Variants in FSTL4 observed in about 807,000 individuals in gnomAD.
The protein encoded by FSTL4 is follistatin-related protein 4.
FSTL4 carries 28 observed loss-of-function variants against 78.2 expected under a neutral mutation model. The observed-to-expected ratio is 0.36, with a 90% CI of 0.27 to 0.49. The LOEUF is 0.49. FSTL4 is among the 20% of genes least tolerant of loss of function. The probability of loss-of-function intolerance (pLI) is 0.98; values close to 1 mark genes in which losing one functional copy is unlikely to be tolerated. For missense variants in FSTL4, 922 were observed against 1,084.9 expected (o/e 0.85, Z 2.11); for synonymous variants, 422 against 440.5 (o/e 0.96, Z 0.53).
chr5:133,291,430 G>A (rs1753260696), intron 6 of FSTL4, among the ~76,000 whole-genome samples: 1 of 152,198 alleles, frequency 6.6e-6, no homozygotes, highest in South Asian at 2.1e-4. Context: ...ACATTCATTT[G>A]TTTACATTTT....
intron 11 of FSTL4, among the ~76,000 whole-genome samples, chr5:133,221,913 T>G (rs865963050): frequency 0.054 from 5,240 of 97,624 alleles, 251 homozygotes; most frequent in Middle Eastern, 0.11. Context: ...TTTTTTTTTT[T>G]TTTTTTTTTT....
At chr5:133,306,930 C>T (rs950868718) in intron 6 of FSTL4, among the ~76,000 whole-genome samples, 3 of 152,196 alleles carry the variant, frequency 2.0e-5, no homozygotes, top group Non-Finnish European at 4.4e-5. Flanking sequence ...ACCCTCACCG[C>T]CGCCATCATT....
intron 2 of FSTL4, among the ~76,000 whole-genome samples, chr5:133,594,307 C>T (rs925887350): frequency 1.3e-5 from 2 of 152,230 alleles, no homozygotes; most frequent in African/African-American, 2.4e-5. Flanking sequence ...TCTCCTGCCT[C>T]AGCCTCCCAA....
intron 3 of FSTL4, among the ~76,000 whole-genome samples, chr5:133,561,321 C>G (rs1021583860): frequency 6.6e-6 from 1 of 151,998 alleles, no homozygotes; most frequent in Admixed American, 6.6e-5. Flanking sequence ...TGTGCCAAGG[C>G]GTCTGCACAC....
chr5:133,232,214 T>C (rs905522161), intron 8 of FSTL4, among the ~76,000 whole-genome samples: 2 of 152,212 alleles, frequency 1.3e-5, no homozygotes, highest in East Asian at 3.8e-4. Context: ...GGGCAAGTTA[T>C]ACTAATAATT....
At chr5:133,831,157 T>C in the FSTL4 span, among the ~76,000 whole-genome samples, 5 of 152,160 alleles carry the variant, frequency 3.3e-5, no homozygotes, top group Non-Finnish European at 7.3e-5. Context: ...GTACATGGAT[T>C]TAAGCCCCAG....
At chr5:133,514,189 A>ATAC (rs1411718768) in intron 3 of FSTL4, among the ~76,000 whole-genome samples, 3 of 122,324 alleles carry the variant, frequency 2.5e-5, no homozygotes, top group African/African-American at 4.2e-5. Flanking sequence ...AATGATAATA[A>ATAC]TAATAATAAT....
chr5:133,640,760 C>T, the FSTL4 span, among the ~76,000 whole-genome samples: 4 of 152,110 alleles, frequency 2.6e-5, no homozygotes, highest in African/African-American at 9.7e-5. Context: ...GTATGTACAG[C>T]CAATATGTCA....
At chr5:133,527,585 C>T (rs1026643372) in intron 3 of FSTL4, among the ~76,000 whole-genome samples, 2 of 152,236 alleles carry the variant, frequency 1.3e-5, no homozygotes, top group Non-Finnish European at 2.9e-5. Flanking sequence ...AGCATCATCC[C>T]TGGAAATGCA....
At chr5:133,799,396 G>A in the FSTL4 span, among the ~76,000 whole-genome samples, 1 of 138,226 alleles carries the variant, frequency 7.2e-6, no homozygotes. Flanking sequence ...AGCATCCCAC[G>A]GTGCTCAGAG....
intron 6 of FSTL4, among the ~76,000 whole-genome samples, chr5:133,294,547 A>G (rs775713465): frequency 2.6e-5 from 4 of 152,190 alleles, no homozygotes; most frequent in Non-Finnish European, 5.9e-5. Flanking sequence ...TATGGCTAAC[A>G]GCAGTCTCCC....
At position 133,593,268 on chromosome 5, in the gene FSTL4, C is replaced by T. The variant is rs115517688; in HGVS notation, c.126+10590G>A. ...CACTAATAATGAGCACCCACATCCTCTACACTGCCAGCCCAAGTCCTCTGA... is the reference window on the plus strand; with the variant it reads ...CACTAATAATGAGCACCCACATCCTTTACACTGCCAGCCCAAGTCCTCTGA... On this transcript the variant is annotated intron_variant, in intron 2 of 15. Transcript: ENST00000265342. Among the ~76,000 whole-genome samples, 520 of 152,278 alleles carry T rather than the reference C, an allele frequency of 3.4e-3. 1 individual carries two copies. The highest frequency in any genetic ancestry group is 5.4e-3 in the Non-Finnish European group (370 of 68,018).
the FSTL4 span, among the ~76,000 whole-genome samples, chr5:133,710,097 G>A: frequency 2.0e-5 from 3 of 152,206 alleles, no homozygotes; most frequent in Non-Finnish European, 4.4e-5. Context: ...CCATGAGGCA[G>A]GGGTCAGCCC....
intron 4 of FSTL4, among the ~76,000 whole-genome samples, chr5:133,364,127 G>A (rs947545462): frequency 1.2e-4 from 19 of 152,198 alleles, no homozygotes; most frequent in Non-Finnish European, 1.8e-4. Flanking sequence ...ATCAGCAGGC[G>A]ATTGACAACT....
At chr5:133,369,406 C>G (rs1006836978) in intron 4 of FSTL4, among the ~76,000 whole-genome samples, 2 of 152,164 alleles carry the variant, frequency 1.3e-5, no homozygotes, top group Non-Finnish European at 2.9e-5. Context: ...AGAGCCACAC[C>G]GAGACATCTC....
At chr5:133,731,898 T>C in the FSTL4 span, among the ~76,000 whole-genome samples, 1 of 152,128 alleles carries the variant, frequency 6.6e-6, no homozygotes, top group East Asian at 1.9e-4. Context: ...CATTCCTTCC[T>C]CTCCCTTATT....
At chr5:133,602,846 G>C (rs1760902089) in intron 2 of FSTL4, among the ~76,000 whole-genome samples, 1 of 152,164 alleles carries the variant, frequency 6.6e-6, no homozygotes, top group African/African-American at 2.4e-5. Flanking sequence ...TTACAATTAA[G>C]TAATAATGAA....
intron 6 of FSTL4, chr5:133,252,015 G>C (rs1462680414): frequency 6.6e-6 from 1 of 152,392 alleles, no homozygotes; most frequent in Non-Finnish European, 1.5e-5. Context: ...TGAGGCCGCA[G>C]TGCACCACCA....
the FSTL4 span, among the ~76,000 whole-genome samples, chr5:133,624,986 G>A: frequency 1.3e-5 from 2 of 150,828 alleles, no homozygotes; most frequent in Admixed American, 6.6e-5. Context: ...TATTTCTCTT[G>A]GTATATAATT....
Sources: allele counts gnomAD v4.1 joint callset (sites outside exome capture counted in the v4.1 genomes callset), GRCh38; gene constraint gnomAD v4.1.1; transcripts MANE v1.5; gene names NCBI Gene and HGNC (gene_info 2026-07-23, HGNC 2026-07-21).